The following GNAQ variants were observed in gnomAD, a reference collection of about 807,000 sequenced individuals.
GNAQ encodes the protein guanine nucleotide-binding protein G(q) subunit alpha.
In GNAQ, 8 loss-of-function variants were observed where a neutral mutation model predicts 43.9. The ratio of observed to expected loss-of-function variants is 0.18; its 90% CI spans 0.11 to 0.33. The LOEUF (loss-of-function observed/expected upper bound fraction) is 0.33, where lower values mean the gene tolerates loss of function less well. GNAQ is among the 10% of genes least tolerant of loss of function. The pLI is 1.00. For synonymous variants in GNAQ, 155 were observed against 170.7 expected (o/e 0.91, Z 0.71); for missense variants, 158 against 450.8 (o/e 0.35, Z 5.88).
At chr9:77,935,520 G>A (rs1003996724) in intron 1 of GNAQ, among the ~76,000 whole-genome samples, 9 of 152,140 alleles carry the variant, frequency 5.9e-5, no homozygotes, top group South Asian at 2.1e-4. Context: ...CCTTGGTAGC[G>A]AATGCTCAGA....
At chr9:77,993,139 C>A (rs1352703013) in intron 1 of GNAQ, among the ~76,000 whole-genome samples, 1 of 152,074 alleles carries the variant, frequency 6.6e-6, no homozygotes, top group Non-Finnish European at 1.5e-5. Flanking sequence ...AAATTCAGTG[C>A]AAGTCAACTT....
chr9:77,991,182 C>A (rs1823502574), intron 1 of GNAQ, among the ~76,000 whole-genome samples: 1 of 152,188 alleles, frequency 6.6e-6, no homozygotes, highest in South Asian at 2.1e-4. Context: ...CTCAGAGAAT[C>A]CTTCAAAGCA....
chr9:77,960,038 CT>C (rs946159062), intron 1 of GNAQ, among the ~76,000 whole-genome samples: 33 of 149,220 alleles, frequency 2.2e-4, no homozygotes, highest in Non-Finnish European at 1.8e-4. Flanking sequence ...AACACCATTT[CT>C]TTTTTTTTTA....
At chr9:77,751,704 A>G (rs1420676165) in intron 5 of GNAQ, among the ~76,000 whole-genome samples, 2 of 152,188 alleles carry the variant, frequency 1.3e-5, no homozygotes, top group South Asian at 2.1e-4. Context: ...CTCCTTAGTA[A>G]TAAGACCTTC....
At chr9:77,916,549 T>G (rs990770876) in intron 2 of GNAQ, among the ~76,000 whole-genome samples, 4 of 152,148 alleles carry the variant, frequency 2.6e-5, no homozygotes, top group Non-Finnish European at 4.4e-5. Flanking sequence ...AACGAGGTAC[T>G]TTCCTGTGAC....
chr9:77,862,627 T>C (rs1295119859), intron 2 of GNAQ, among the ~76,000 whole-genome samples: 3 of 152,186 alleles, frequency 2.0e-5, no homozygotes. Flanking sequence ...ACCTCCAGGT[T>C]TGTTATAGGA....
At chr9:77,876,027 A>G (rs1406033635) in intron 2 of GNAQ, among the ~76,000 whole-genome samples, 5 of 152,266 alleles carry the variant, frequency 3.3e-5, no homozygotes, top group Non-Finnish European at 7.3e-5. Flanking sequence ...ATTATTATTT[A>G]TATTTTTAAA....
chr9:77,761,529 C>T (rs1481951472), intron 5 of GNAQ, among the ~76,000 whole-genome samples: 1 of 145,576 alleles, frequency 6.9e-6, no homozygotes, highest in Non-Finnish European at 1.5e-5. Flanking sequence ...GGCCAGCCGC[C>T]CCGTCCGGGA....
At chr9:77,742,003 G>A (rs1825659921) in intron 5 of GNAQ, among the ~76,000 whole-genome samples, 1 of 152,160 alleles carries the variant, frequency 6.6e-6, no homozygotes, top group South Asian at 2.1e-4. Flanking sequence ...ATTATCTGTA[G>A]ACTTCAGTGA....
intron 5 of GNAQ, among the ~76,000 whole-genome samples, chr9:77,735,232 T>G (rs1825559842): frequency 6.6e-6 from 1 of 152,240 alleles, no homozygotes; most frequent in African/African-American, 2.4e-5. Flanking sequence ...ACAGCTTCAC[T>G]ATTTCTTCTA....
intron 5 of GNAQ, among the ~76,000 whole-genome samples, chr9:77,752,992 C>G (rs1467419008): frequency 6.9e-6 from 1 of 144,014 alleles, no homozygotes; most frequent in Non-Finnish European, 1.5e-5. Flanking sequence ...GAGGCTGAGG[C>G]AGGAGAATGG....
intron 2 of GNAQ, among the ~76,000 whole-genome samples, chr9:77,833,869 A>C (rs1476227514): frequency 6.6e-6 from 1 of 152,218 alleles, no homozygotes; most frequent in Non-Finnish European, 1.5e-5. Context: ...AGTATGAAAG[A>C]CTTGGCTATT....
At chr9:77,913,882 CTTCTGTATT>C (rs1828851072) in intron 2 of GNAQ, among the ~76,000 whole-genome samples, 1 of 152,106 alleles carries the variant, frequency 6.6e-6, no homozygotes, top group Admixed American at 6.5e-5. Flanking sequence ...TGTGTGCACT[CTTCTGTATT>C]TTTTTGAAAT....
At chr9:77,986,297 T>C (rs573057844) in intron 1 of GNAQ, among the ~76,000 whole-genome samples, 1 of 152,348 alleles carries the variant, frequency 6.6e-6, no homozygotes, top group African/African-American at 2.4e-5. Context: ...TGAATCTTAC[T>C]GAGCTTCACA....
intron 3 of GNAQ, 28 bp from the exon 4 acceptor site, chr9:77,797,676 G>T: frequency 6.2e-7 from 1 of 1,608,500 alleles, no homozygotes; most frequent in Non-Finnish European, 8.5e-7. Context: ...CAATGAGAAT[G>T]TCAGTGACAC....
intron 1 of GNAQ, among the ~76,000 whole-genome samples, chr9:77,976,805 G>A (rs1268777170): frequency 6.6e-6 from 1 of 152,174 alleles, no homozygotes; most frequent in Non-Finnish European, 1.5e-5. Flanking sequence ...GGAAAAACTG[G>A]AAGCTCTGGC....
chr9:77,888,894 G>T (rs959537127), intron 2 of GNAQ, among the ~76,000 whole-genome samples: 1 of 152,090 alleles, frequency 6.6e-6, no homozygotes, highest in African/African-American at 2.4e-5. Flanking sequence ...GAGAGGACAC[G>T]GAAGAGATTC....
intron 2 of GNAQ, among the ~76,000 whole-genome samples, chr9:77,825,768 AT>A (rs1190347152): frequency 6.6e-6 from 1 of 152,240 alleles, no homozygotes; most frequent in African/African-American, 2.4e-5. Context: ...CATTAAAAAA[AT>A]AAAAAAACTG....
chr9:77,970,691 G>T (rs1248920971), intron 1 of GNAQ, among the ~76,000 whole-genome samples: 1 of 152,046 alleles, frequency 6.6e-6, no homozygotes, highest in Non-Finnish European at 1.5e-5. Flanking sequence ...AAGCAGGAAA[G>T]ATCTAAAATC....
Sources: allele counts gnomAD v4.1 joint callset (sites outside exome capture counted in the v4.1 genomes callset), GRCh38; gene constraint gnomAD v4.1.1; transcripts MANE v1.5; gene names NCBI Gene and HGNC (gene_info 2026-07-23, HGNC 2026-07-21).